ANXA5: variants seen among roughly 807,000 people sequenced by gnomAD.
ANXA5 encodes the protein CBP-I.
Under a neutral mutation model 48.1 loss-of-function variants are expected in ANXA5, and 40 were observed. The ratio of observed to expected loss-of-function variants is 0.83; its 90% CI spans 0.65 to 1.08. The LOEUF is 1.08. ANXA5 is among the 50% of genes least tolerant of loss of function. The probability of loss-of-function intolerance (pLI) is 0.00; values close to 1 mark genes in which losing one functional copy is unlikely to be tolerated. For missense variants in ANXA5, 357 were observed against 376.8 expected (o/e 0.95, Z 0.44); for synonymous variants, 113 against 129.1 (o/e 0.88, Z 0.85).
chr4:121,678,243 G>C, intron 7 of ANXA5, 172 bp downstream of exon 7: 1 of 630,604 alleles, frequency 1.6e-6, no homozygotes, highest in Non-Finnish European at 2.8e-6. Context: ...ATTTAGACCA[G>C]ATATTCTGAA....
chr4:121,696,517 G>C (rs1725084951), intron 2 of ANXA5, 64 bp downstream of exon 2: 2 of 1,313,170 alleles, frequency 1.5e-6, no homozygotes, highest in Non-Finnish European at 2.0e-6. Flanking sequence ...AATCCTAAAA[G>C]TCCCTCGTCG....
Position 121,686,299 on chromosome 4 carries a change from A to G in ANXA5, c.83T>C (p.Met28Thr). The change falls in exon 3 of 13, where the codon ATG (methionine) becomes ACG (threonine). Residue 28 changes from methionine to threonine, a missense_variant. Physicochemically the swap from Met to Thr is moderately conservative, Grantham distance 81. Transcript: ENST00000296511. The part of the protein sequence containing the change: ...RADAETLRKA[M>T]KGLGTDEESI... ...GAAGCTAAATTTACCCAAGCCTTTC[A>G]TAGCCTTCCGAAGAGTTTCTGCATC... is the stretch of plus-strand genomic sequence containing the variant. 6.2e-7 allele frequency: 1 copy of G among 1,614,022 alleles called. No homozygotes were observed. The highest frequency in any genetic ancestry group is 8.5e-7 in the Non-Finnish European group (1 of 1,179,902).
intron 2 of ANXA5, among the ~76,000 whole-genome samples, chr4:121,693,592 A>T (rs1036644595): frequency 6.6e-6 from 1 of 152,250 alleles, no homozygotes; most frequent in African/African-American, 2.4e-5. Flanking sequence ...TAGGCCTTCC[A>T]AGGAGAACTG....
intron 8 of ANXA5, among the ~76,000 whole-genome samples, chr4:121,677,533 T>G (rs182201813): frequency 6.6e-6 from 1 of 152,204 alleles, no homozygotes; most frequent in Non-Finnish European, 1.5e-5. Flanking sequence ...AATACTTTAT[T>G]CTTTCTTCTT....
intron 2 of ANXA5, among the ~76,000 whole-genome samples, chr4:121,688,502 C>T (rs922911309): frequency 2.0e-5 from 3 of 152,150 alleles, no homozygotes; most frequent in African/African-American, 7.2e-5. Context: ...TAATCTCTCT[C>T]CCCTGTGATA....
At chr4:121,684,562 G>A (rs1724846213) in intron 4 of ANXA5, 115 bp downstream of exon 4, 1 of 835,608 alleles carries the variant, frequency 1.2e-6, no homozygotes, top group South Asian at 1.7e-5. Flanking sequence ...CAGAAGTAGG[G>A]AAGTCGGAAT....
At chr4:121,692,193 A>G (rs540895431) in intron 2 of ANXA5, among the ~76,000 whole-genome samples, 8 of 152,128 alleles carry the variant, frequency 5.3e-5, no homozygotes, top group African/African-American at 9.6e-5. Context: ...AATGCAAGGG[A>G]AAAAAAACAT....
intron 2 of ANXA5, among the ~76,000 whole-genome samples, chr4:121,689,829 C>T (rs1724951929): frequency 6.6e-6 from 1 of 152,150 alleles, no homozygotes; most frequent in South Asian, 2.1e-4. Context: ...AAACTAACAA[C>T]ACAAAGAAGG....
At chr4:121,686,964 A>C (rs1724901542) in intron 2 of ANXA5, among the ~76,000 whole-genome samples, 1 of 152,220 alleles carries the variant, frequency 6.6e-6, no homozygotes, top group Non-Finnish European at 1.5e-5. Flanking sequence ...ACTTTATCAT[A>C]TATATACACT....
chr4:121,671,363 G>C (rs1350425114), intron 10 of ANXA5, among the ~76,000 whole-genome samples, 184 bp downstream of exon 10: 1 of 152,136 alleles, frequency 6.6e-6, no homozygotes, highest in East Asian at 1.9e-4. Flanking sequence ...GAACTAACCA[G>C]ACAATCCTGT....
In ANXA5 at chr4:121,683,370, G is replaced by A. The variant is rs770639421; in HGVS notation, c.297C>T (p.Ala99=). 6.3e-7 allele frequency: 1 copy of A among 1,586,744 alleles called. No homozygotes were observed. The highest frequency in any genetic ancestry group is 1.7e-4 in the Middle Eastern group (1 of 5,980). The change falls in exon 5 of 13, where the codon GCC becomes GCT. Residue 99 remains alanine, a synonymous_variant. Coordinates refer to ENST00000296511, the MANE Select transcript of ANXA5 (RefSeq NM_001154.4). ...RLYDAYELKH[A]LKGAGTNEKV... ...TTTCACTCATCCTTTTTACCTTCAA[G>A]GCATGTTTCAGTTCATAAGCATCAT...
chr4:121,677,913 T>C lies in ANXA5; in HGVS notation c.512A>G (p.Gln171Arg). ...ACTCACCTGAGCATCTTGTTCAACT[T>C]GAGCTTCATCAATTCCAGCATCAGG... is the stretch of plus-strand genomic sequence containing the variant. Reference protein sequence around the residue: ...RDPDAGIDEAQVEQDAQALFQ... With the variant: ...RDPDAGIDEARVEQDAQALFQ... The change falls in exon 8 of 13, where the codon CAA becomes CGA. Residue 171 changes from glutamine (Q) to arginine (R), a missense_variant. Transcript: ENST00000296511. The C allele has an allele frequency of 6.2e-7, 1 of 1,613,822 alleles. No individual in the cohort carries two copies.
At chr4:121,680,781 T>G (rs1724779894) in intron 6 of ANXA5, among the ~76,000 whole-genome samples, 1 of 152,238 alleles carries the variant, frequency 6.6e-6, no homozygotes, top group South Asian at 2.1e-4. Context: ...ATGTATCACT[T>G]CTGCCTTAGC....
chr4:121,671,721 G>A, intron 9 of ANXA5, 79 bp from the exon 10 acceptor site: 1 of 966,150 alleles, frequency 1.0e-6, no homozygotes, highest in Non-Finnish European at 1.6e-6. Flanking sequence ...TGATTAGGTA[G>A]TGTCTTACTG....
chr4:121,682,651 C>T (rs1724812494), intron 5 of ANXA5, among the ~76,000 whole-genome samples: 1 of 152,098 alleles, frequency 6.6e-6, no homozygotes, highest in Non-Finnish European at 1.5e-5. Context: ...AAACCAGCTC[C>T]TATCAGGATG....
At chr4:121,684,507 A>T (rs1212886233) in intron 4 of ANXA5, among the ~76,000 whole-genome samples, 170 bp downstream of exon 4, 1 of 152,228 alleles carries the variant, frequency 6.6e-6, no homozygotes, top group Non-Finnish European at 1.5e-5. Flanking sequence ...CTGGGTGAGC[A>T]CTGTATCCTA....
Position 121,672,064 on chromosome 4 carries a change from A to G in ANXA5, c.626-422T>C, listed in dbSNP as rs570178346. Reference sequence around the variant, plus strand: ...TAATGGAGCAAAAAGAAAAACCAGAAAGATCTCAGGTCCTGCCAAATCAAC... The same window carrying G: ...TAATGGAGCAAAAAGAAAAACCAGAGAGATCTCAGGTCCTGCCAAATCAAC... On this transcript the variant is annotated intron_variant, in intron 9 of 12. Coordinates refer to ENST00000296511, the MANE Select transcript of ANXA5 (RefSeq NM_001154.4). 2.6e-5 allele frequency among the ~76,000 whole-genome samples: 4 copies of G among 152,330 alleles called. No homozygotes were observed. In the East Asian group the frequency reaches 7.7e-4, roughly 29 times the overall value.
intron 2 of ANXA5, among the ~76,000 whole-genome samples, chr4:121,695,856 T>G (rs1359581033): frequency 6.7e-6 from 1 of 149,850 alleles, no homozygotes; most frequent in African/African-American, 2.5e-5. Context: ...GCGAGATCAC[T>G]ACGTCACTGG....
intron 3 of ANXA5, 24 bp downstream of exon 3, chr4:121,686,264 T>C: frequency 1.3e-6 from 2 of 1,572,310 alleles, no homozygotes; most frequent in Non-Finnish European, 1.7e-6. Context: ...CACATTTGCT[T>C]TAGAAAGAGG....
Sources: gnomAD v4.1 joint callset for allele counts (sites outside exome capture counted in the v4.1 genomes callset) on GRCh38, gnomAD v4.1.1 for gene constraint, MANE v1.5 for transcripts, NCBI Gene and HGNC (gene_info 2026-07-23, HGNC 2026-07-21) for gene names.